TRAPPC12: variants seen among roughly 807,000 people sequenced by gnomAD.
TRAPPC12 encodes trafficking protein particle complex subunit 12.
In TRAPPC12, 61 loss-of-function variants were observed where a neutral mutation model predicts 69.2. The ratio of observed to expected loss-of-function variants is 0.88; its 90% confidence interval spans 0.72 to 1.09. The LOEUF is 1.09. Ranked by LOEUF, TRAPPC12 falls within the 50% of genes least tolerant of loss-of-function variation. TRAPPC12 has a pLI of 0.00. For synonymous variants in TRAPPC12, 469 were observed against 438.9 expected (o/e 1.07, Z -0.86); for missense variants, 1,101 against 1,016.4 (o/e 1.08, Z -1.13).
chr2:3,392,879 C>T (rs999868711), intron 2 of TRAPPC12, among the ~76,000 whole-genome samples: 3 of 152,256 alleles, frequency 2.0e-5, no homozygotes, highest in Non-Finnish European at 4.4e-5. Flanking sequence ...GATGCCTGCG[C>T]TCCATGCTCA....
intron 9 of TRAPPC12, chr2:3,467,540 C>T (rs1034677071): frequency 9.9e-5 from 15 of 152,254 alleles, no homozygotes; most frequent in African/African-American, 3.1e-4. Context: ...GCATTGCCAT[C>T]TGCACATACA....
At chr2:3,473,241 C>T (rs10170410) in intron 9 of TRAPPC12, among the ~76,000 whole-genome samples, 7,764 of 152,094 alleles carry the variant, frequency 0.051, 628 homozygotes, top group African/African-American at 0.17. Flanking sequence ...GTGCTCACGC[C>T]GGGACGGGAA....
At chr2:3,446,703 G>A (rs1249027187) in intron 6 of TRAPPC12, among the ~76,000 whole-genome samples, 1 of 152,252 alleles carries the variant, frequency 6.6e-6, no homozygotes, top group Non-Finnish European at 1.5e-5. Context: ...TCTCCACGCT[G>A]TCCAGAACAG....
chr2:3,422,077 A>T (rs899665725), intron 4 of TRAPPC12, 83 bp downstream of exon 4: 2 of 1,034,068 alleles, frequency 1.9e-6, no homozygotes, highest in East Asian at 5.3e-5. Flanking sequence ...CTTTCATGCC[A>T]ATAACAAAAA....
At chr2:3,421,783 C>A in intron 3 of TRAPPC12, 98 bp from the exon 4 acceptor site, 1 of 1,117,298 alleles carries the variant, frequency 9.0e-7, no homozygotes, top group Non-Finnish European at 1.3e-6. Flanking sequence ...CTGCTTCCAG[C>A]AAGGTGAGCA....
At chr2:3,451,995 C>T (rs921295065) in intron 6 of TRAPPC12, among the ~76,000 whole-genome samples, 2 of 152,210 alleles carry the variant, frequency 1.3e-5, no homozygotes, top group East Asian at 1.9e-4. Context: ...GCTCTGTGGG[C>T]TAAAACCACA....
At chr2:3,438,353 CT>C (rs1420057493) in intron 5 of TRAPPC12, among the ~76,000 whole-genome samples, 2 of 132,294 alleles carry the variant, frequency 1.5e-5, no homozygotes, top group African/African-American at 5.7e-5. Flanking sequence ...CCCATCACCC[CT>C]GGATTAATAC....
intron 7 of TRAPPC12, chr2:3,457,903 A>C: frequency 7.1e-7 from 1 of 1,413,240 alleles, no homozygotes. Context: ...TCAGACCCGA[A>C]CCCTGCGCCC....
chr2:3,387,754 G>A lies in TRAPPC12; in HGVS notation c.131G>A (p.Gly44Glu), dbSNP rs1224424648. 6.2e-7 allele frequency: 1 copy of A among 1,611,978 alleles called. No homozygotes were observed. The highest frequency in any genetic ancestry group is 2.2e-5 in the East Asian group (1 of 44,716). The change falls in exon 2 of 12, where the codon GGA (glycine) becomes GAA (glutamate). Residue 44 changes from glycine to glutamate, a missense_variant. Coordinates refer to ENST00000324266, the MANE Select transcript of TRAPPC12 (RefSeq NM_016030.6). The part of the protein sequence containing the change: ...ETIDLGGDEF[G>E]SEENETASEG... ...ATCGATCTTGGCGGAGATGAGTTTG[G>A]ATCCGAAGAGAACGAGACCGCATCG...
At chr2:3,442,330 A>T (rs1481410753) in intron 5 of TRAPPC12, among the ~76,000 whole-genome samples, 2 of 152,204 alleles carry the variant, frequency 1.3e-5, no homozygotes, top group African/African-American at 4.8e-5. Context: ...CACAGGAGTG[A>T]TTCTGGCCCC....
intron 5 of TRAPPC12, among the ~76,000 whole-genome samples, chr2:3,430,823 T>C (rs533041394): frequency 6.6e-6 from 1 of 152,238 alleles, no homozygotes; most frequent in Non-Finnish European, 1.5e-5. Context: ...CAGACAGCTT[T>C]CCAAAACGTT....
chr2:3,461,430 G>T (rs1235056931), intron 8 of TRAPPC12, among the ~76,000 whole-genome samples: 1 of 152,232 alleles, frequency 6.6e-6, no homozygotes, highest in Non-Finnish European at 1.5e-5. Context: ...CGCACAAGGA[G>T]ACTCGGCGTC....
At chr2:3,417,379 C>T (rs1301634159) in intron 3 of TRAPPC12, among the ~76,000 whole-genome samples, 1 of 152,148 alleles carries the variant, frequency 6.6e-6, no homozygotes, top group East Asian at 1.9e-4. Flanking sequence ...CCAGGTGATG[C>T]AGCGTCTGAC....
intron 6 of TRAPPC12, among the ~76,000 whole-genome samples, chr2:3,447,103 T>C (rs370706113): frequency 2.6e-5 from 1 of 38,202 alleles, no homozygotes; most frequent in Non-Finnish European, 5.5e-5. Context: ...CTCAGGAAGC[T>C]TTTTTTTTTT....
intron 6 of TRAPPC12, chr2:3,449,608 T>A (rs1393195388): frequency 3.9e-5 from 6 of 152,248 alleles, no homozygotes; most frequent in Admixed American, 3.9e-4. Flanking sequence ...ATATCTTTTC[T>A]AAAAGGGTTT....
chr2:3,388,582 T>C lies in TRAPPC12; in HGVS notation c.959T>C (p.Leu320Pro). Reference protein sequence around the residue: ...WLPGEATRGVLRAVATQQRGA... With the variant: ...WLPGEATRGVPRAVATQQRGA... The stretch of plus-strand genomic sequence containing the variant: ...CCCGGCGAGGCTACGCGTGGAGTCC[T>C]GCGGGCCGTGGCCACCCAGCAGCGC... Residue 320 changes from leucine (L) to proline (P), a missense_variant, in exon 2 of 12, where the codon CTG (leucine) becomes CCG (proline). By Grantham distance (98) the Leu-to-Pro change is moderately conservative. Coordinates refer to ENST00000324266, the MANE Select transcript of TRAPPC12 (RefSeq NM_016030.6). 6.2e-7 allele frequency: 1 copy of C among 1,611,322 alleles called. No individual in the cohort carries two copies. The highest frequency in any genetic ancestry group is 8.5e-7 in the Non-Finnish European group (1 of 1,178,912).
chr2:3,445,761 C>T (rs185281168), intron 6 of TRAPPC12, among the ~76,000 whole-genome samples: 44 of 152,344 alleles, frequency 2.9e-4, no homozygotes, highest in African/African-American at 9.4e-4. Context: ...TAACATGTCC[C>T]GTTTGAAGAC....
chr2:3,446,728 G>T (rs921732207), intron 6 of TRAPPC12, among the ~76,000 whole-genome samples: 1 of 152,256 alleles, frequency 6.6e-6, no homozygotes, highest in Non-Finnish European at 1.5e-5. Flanking sequence ...ATCTGAGCTT[G>T]TTCATTTGTT....
chr2:3,451,802 A>G (rs1042532944), intron 6 of TRAPPC12, among the ~76,000 whole-genome samples: 1 of 152,198 alleles, frequency 6.6e-6, no homozygotes, highest in East Asian at 1.9e-4. Flanking sequence ...ACAGCTGACT[A>G]TAAGCGTGAG....
Sources: allele counts gnomAD v4.1 joint callset (sites outside exome capture counted in the v4.1 genomes callset), GRCh38; gene constraint gnomAD v4.1.1; transcripts MANE v1.5; gene names NCBI Gene and HGNC (gene_info 2026-07-23, HGNC 2026-07-21).